The following ITSN2 variants were observed in gnomAD, a reference collection of about 807,000 sequenced individuals.
ITSN2 encodes intersectin 2.
ITSN2 carries 156 observed loss-of-function variants against 243.7 expected under a neutral mutation model. The observed-to-expected ratio is 0.64, with a 90% CI of 0.56 to 0.73. ITSN2 has a LOEUF of 0.73. Ranked by LOEUF, ITSN2 falls within the 30% of genes least tolerant of loss-of-function variation. ITSN2 has a pLI of 0.00. For synonymous variants in ITSN2, 703 were observed against 699.9 expected, an observed-to-expected ratio of 1.00 and a Z score of -0.07; for missense variants, 1,801 against 1,996.1, an observed-to-expected ratio of 0.90 and a Z score of 1.86.
At chr2:24,294,476 T>C (rs748764958) in intron 14 of ITSN2, among the ~76,000 whole-genome samples, 42 of 152,168 alleles carry the variant, frequency 2.8e-4, no homozygotes, top group Non-Finnish European at 1.9e-4. Context: ...AAAATATTTT[T>C]GGCTTTTGTT....
chr2:24,238,923 A>G (rs891300489), intron 29 of ITSN2: 1 of 152,206 alleles, frequency 6.6e-6, no homozygotes, highest in Admixed American at 6.5e-5. Context: ...GAAATACACA[A>G]TACAACTAAT....
intron 2 of ITSN2, among the ~76,000 whole-genome samples, chr2:24,326,168 T>C (rs934168163): frequency 1.3e-5 from 2 of 152,222 alleles, no homozygotes; most frequent in Non-Finnish European, 2.9e-5. Context: ...ACAGTCTACA[T>C]ATGCAATTAA....
intron 33 of ITSN2, 44 bp from the exon 34 acceptor site, chr2:24,210,991 C>A: frequency 6.3e-7 from 1 of 1,588,858 alleles, no homozygotes; most frequent in Non-Finnish European, 8.6e-7. Flanking sequence ...CTGCGTCTCT[C>A]ACCTGCCCAC....
chr2:24,313,260 T>A (rs189943380), intron 4 of ITSN2, among the ~76,000 whole-genome samples, 200 bp downstream of exon 4: 495 of 151,928 alleles, frequency 3.3e-3, no homozygotes, highest in Admixed American at 6.5e-3. Context: ...ATTTTTTTTT[T>A]AATTTTCTGT....
chr2:24,351,624 A>G (rs1287134441), intron 1 of ITSN2, among the ~76,000 whole-genome samples: 1 of 152,232 alleles, frequency 6.6e-6, no homozygotes, highest in African/African-American at 2.4e-5. Context: ...TAAACAATTC[A>G]TAAATTTTTA....
rs1362132019 is a variant in ITSN2, at chr2:24,249,467, C to T, written c.3121-585G>A. Among the ~76,000 whole-genome samples the T allele has an allele frequency of 6.6e-6, 1 of 152,130 alleles. No individual in the cohort carries two copies. Among genetic ancestry groups the T allele is most frequent in the Admixed American group, 6.6e-5 (1 of 15,262 alleles). On this transcript the variant is annotated intron_variant, in intron 25 of 39. Coordinates refer to ENST00000355123, the MANE Select transcript of ITSN2 (RefSeq NM_006277.3). The surrounding 1 kb of genome is among the most constrained non-coding windows in gnomAD (Gnocchi z 4.4). ...ATAAACTGGCCCAACCACATTTCCTCTTTATAGGAATTTGAACAACAAAAG... is the reference window on the plus strand; with the variant it reads ...ATAAACTGGCCCAACCACATTTCCTTTTTATAGGAATTTGAACAACAAAAG...
At chr2:24,284,652 A>G in intron 17 of ITSN2, 111 bp downstream of exon 17, 1 of 691,848 alleles carries the variant, frequency 1.4e-6, no homozygotes, top group South Asian at 1.7e-5. Context: ...CTTATATTGT[A>G]TATGTTATTT....
At chr2:24,310,437 A>AT in intron 6 of ITSN2, 52 bp downstream of exon 6, 3 of 1,607,502 alleles carry the variant, frequency 1.9e-6, no homozygotes, top group Non-Finnish European at 2.6e-6. Flanking sequence ...TCAAACACAA[A>AT]TAGTTTCTTT....
intron 23 of ITSN2, among the ~76,000 whole-genome samples, chr2:24,257,617 C>A (rs1011400396): frequency 6.6e-6 from 1 of 151,722 alleles, no homozygotes; most frequent in South Asian, 2.1e-4. Flanking sequence ...CCACCATGCC[C>A]GGCTAATTTT....
chr2:24,203,644 C>G lies in ITSN2; in HGVS notation c.5076G>C (p.Glu1692Asp). The change falls in exon 40 of 40, where the codon GAG (glutamate) becomes GAC (aspartate). Residue 1692 changes from glutamate to aspartate, a missense_variant. By Grantham distance (45) the Glu-to-Asp change is conservative (BLOSUM62 2). Around this residue, in one of 5 missense-constraint regions of ITSN2, gnomAD observed 928 missense variants for 1,065.4 expected, o/e 0.87. Transcript: ENST00000355123. ...AGAACCCCTACAGGAGAGTTTTTTG[C>G]TCAAAAAGCTGCAGGTCAAAACGGA... The part of the protein sequence containing the change: ...VWVRFDLQLF[E>D]QKTLL The G allele has an allele frequency of 6.2e-7, 1 of 1,613,078 alleles. No individual in the cohort carries two copies. The highest frequency in any genetic ancestry group is 8.5e-7 in the Non-Finnish European group (1 of 1,179,698).
At chr2:24,313,646 TA>T in intron 3 of ITSN2, 123 bp from the exon 4 acceptor site, 1 of 602,418 alleles carries the variant, frequency 1.7e-6, no homozygotes, top group Non-Finnish European at 2.8e-6. Context: ...CATTAAAGAA[TA>T]AGTGAAATAG....
intron 29 of ITSN2, among the ~76,000 whole-genome samples, chr2:24,233,531 A>G (rs952224095): frequency 6.6e-6 from 1 of 152,200 alleles, no homozygotes; most frequent in Non-Finnish European, 1.5e-5. Flanking sequence ...GTTAATGGAA[A>G]GCAGCATGTG....
chr2:24,326,184 C>T (rs1053882687), intron 2 of ITSN2, among the ~76,000 whole-genome samples: 1 of 152,104 alleles, frequency 6.6e-6, no homozygotes, highest in Non-Finnish European at 1.5e-5. Flanking sequence ...ATTAATTCTT[C>T]AGAAGTTTAA....
At chr2:24,283,486 A>G (rs530010734) in intron 17 of ITSN2, among the ~76,000 whole-genome samples, 202 of 152,316 alleles carry the variant, frequency 1.3e-3, no homozygotes, top group African/African-American at 4.8e-3. Context: ...TCGGCCTCCC[A>G]AAGTGTTGGG....
chr2:24,359,860 T>C (rs1688790923), intron 1 of ITSN2, among the ~76,000 whole-genome samples: 1 of 152,034 alleles, frequency 6.6e-6, no homozygotes, highest in African/African-American at 2.4e-5. Context: ...CACCAACCCT[T>C]GCCAGGAAGG....
At chr2:24,224,845 G>A (rs773902327) in intron 29 of ITSN2, among the ~76,000 whole-genome samples, 2 of 152,190 alleles carry the variant, frequency 1.3e-5, no homozygotes, top group Admixed American at 1.3e-4. Context: ...GGCCAGGCTG[G>A]TCTCCAACTA....
intron 36 of ITSN2, 42 bp from the exon 37 acceptor site, chr2:24,208,361 TCA>T (rs1332665904): frequency 2.7e-6 from 4 of 1,489,714 alleles, no homozygotes; most frequent in African/African-American, 1.4e-5. Context: ...CATCCCACCC[TCA>T]CAGGTCAGCG....
intron 1 of ITSN2, among the ~76,000 whole-genome samples, chr2:24,356,102 A>C (rs1185911823): frequency 2.0e-5 from 3 of 151,956 alleles, no homozygotes; most frequent in African/African-American, 7.3e-5. Flanking sequence ...CAGGAGGCTG[A>C]GGCAGGAGAA....
rs1016741204 is a variant in ITSN2, at chr2:24,211,915, C to T, written c.4089+735G>A. On this transcript the variant is annotated intron_variant, in intron 33 of 39. Transcript: ENST00000355123. This position sits in a 1 kb window ranked among gnomAD's most constrained non-coding sequence, Gnocchi z 4.1. ...GCATTATGGTTCAGTTTAGTGCAGGCGTCTATCACATGAGGTCTATGTTGA... is the reference window on the plus strand; with the variant it reads ...GCATTATGGTTCAGTTTAGTGCAGGTGTCTATCACATGAGGTCTATGTTGA... Among the ~76,000 whole-genome samples the T allele has an allele frequency of 6.6e-6, 1 of 152,124 alleles. No homozygotes were observed. The highest frequency in any genetic ancestry group is 2.1e-4 in the South Asian group (1 of 4,816).
Sources: allele counts gnomAD v4.1 joint callset (sites outside exome capture counted in the v4.1 genomes callset), GRCh38; gene constraint gnomAD v4.1.1; regional missense constraint gnomAD v4.1.1; non-coding constraint Gnocchi (gnomAD v3.1); transcripts MANE v1.5; gene names NCBI Gene and HGNC (gene_info 2026-07-23, HGNC 2026-07-21).